Variants in KIAA0930 observed in about 807,000 individuals in gnomAD.
The protein encoded by KIAA0930 is uncharacterized protein KIAA0930.
Under a neutral mutation model 43.9 loss-of-function variants are expected in KIAA0930, and 24 were observed. That is an observed-to-expected ratio of 0.55 (90% confidence interval 0.40 to 0.77). The LOEUF is 0.77. Ranked by LOEUF, KIAA0930 falls within the 30% of genes least tolerant of loss-of-function variation. The pLI, the probability that KIAA0930 is intolerant of heterozygous loss-of-function variation, is 0.00. For missense variants in KIAA0930, 461 were observed against 574.2 expected, an observed-to-expected ratio of 0.80 and a Z score of 2.02; for synonymous variants, 259 against 216.4, an observed-to-expected ratio of 1.20 and a Z score of -1.73.
intron 2 of KIAA0930, 26 bp downstream of exon 2, chr22:45,211,930 A>G: frequency 6.2e-7 from 1 of 1,602,998 alleles, no homozygotes; most frequent in Non-Finnish European, 8.5e-7. Context: ...GCACAGACGC[A>G]GGGGCAGGGG....
In KIAA0930 at chr22:45,203,886, A is replaced by T. The variant is rs1304201963; in HGVS notation, c.616T>A (p.Ser206Thr). 1 of 1,614,026 alleles carries T rather than the reference A, an allele frequency of 6.2e-7. No homozygotes were observed. The highest frequency in any genetic ancestry group is 2.2e-5 in the East Asian group (1 of 44,850). Residue 206 changes from serine to threonine, a missense_variant, in exon 6 of 10, where the codon TCC becomes ACC. Transcript: ENST00000336156. ...NTFQGVIFQG[S>T]IRYEALKKVY... ...TTCTTGAGCGCCTCGTAGCGGATGG[A>T]GCCCTGAAAGATGACCCCCTGGAAC...
intron 1 of KIAA0930, among the ~76,000 whole-genome samples, chr22:45,218,333 ATTTTTTTTTTTTTTT>A (rs752298111): frequency 1.2e-4 from 6 of 51,704 alleles, no homozygotes; most frequent in African/African-American, 3.3e-4. Context: ...AATTTTTTTG[ATTTTTTTTTTTTTTT>A]TTTTTTTTTT....
intron 1 of KIAA0930, among the ~76,000 whole-genome samples, chr22:45,231,674 CA>C (rs1247362906): frequency 6.6e-6 from 1 of 152,114 alleles, no homozygotes; most frequent in African/African-American, 2.4e-5. Flanking sequence ...TACACTCAGA[CA>C]GGGGTAAAAA....
chr22:45,228,325 T>G (rs1454643988), intron 1 of KIAA0930, among the ~76,000 whole-genome samples: 1 of 152,124 alleles, frequency 6.6e-6, no homozygotes, highest in East Asian at 1.9e-4. Context: ...ACCAGTGAAA[T>G]GTGTCCCAGA....
intron 1 of KIAA0930, among the ~76,000 whole-genome samples, chr22:45,224,620 T>G (rs5766562): frequency 0.1 from 15,563 of 152,176 alleles, 959 homozygotes; most frequent in East Asian, 0.27. Flanking sequence ...GGAAGCAGGA[T>G]GAATTTTAAG....
At chr22:45,221,155 A>G (rs112631953) in intron 1 of KIAA0930, among the ~76,000 whole-genome samples, 2 of 152,254 alleles carry the variant, frequency 1.3e-5, no homozygotes, top group African/African-American at 4.8e-5. Flanking sequence ...CACCCTCAAT[A>G]TGCCCTATCC....
Position 45,203,147 on chromosome 22 carries a change from AACG to A in KIAA0930, c.692_694del (p.Ser231del), listed in dbSNP as rs752278022. The A allele has an allele frequency of 6.2e-7, 1 of 1,612,630 alleles. No homozygotes were observed. Among genetic ancestry groups the A allele is most frequent in the South Asian group, 1.1e-5 (1 of 90,808 alleles). On this transcript the variant is annotated inframe_deletion, in exon 7 of 10. Transcript: ENST00000336156. ...CATGTTGCTGTACTTGTAGAAGCCA[AACG>A]ACATCTTCTGTGCCATGCGGGCGGC...
At chr22:45,208,434 A>G (rs979736797) in intron 2 of KIAA0930, among the ~76,000 whole-genome samples, 2 of 142,374 alleles carry the variant, frequency 1.4e-5, no homozygotes, top group Non-Finnish European at 3.1e-5. Flanking sequence ...GAACAGGCAG[A>G]ACCCAACTCC....
At chr22:45,230,981 C>T (rs1304613986) in intron 1 of KIAA0930, among the ~76,000 whole-genome samples, 1 of 151,778 alleles carries the variant, frequency 6.6e-6, no homozygotes, top group Non-Finnish European at 1.5e-5. Context: ...CACGGTGCCT[C>T]AACATACCTG....
rs768952842 is a variant in KIAA0930, at chr22:45,212,030, G to C, written c.142C>G (p.Gln48Glu). ...CGCACATAGAAAAGCATGTCGTCCT[G>C]CCGGGGAGCCCATTTCTCCATGAAG... ...TYFMEKWAPR[Q>E]DDMLFYVRRK... The change falls in exon 2 of 10, where the codon CAG (glutamine) becomes GAG (glutamate). Residue 48 changes from glutamine to glutamate, a missense_variant. Coordinates refer to ENST00000336156, the MANE Select transcript of KIAA0930 (RefSeq NM_001009880.2). The C allele has an allele frequency of 4.3e-6, 7 of 1,613,858 alleles. No homozygotes were observed. The highest frequency in any genetic ancestry group is 5.9e-6 in the Non-Finnish European group (7 of 1,180,032).
chr22:45,216,938 C>A (rs1057301314), intron 1 of KIAA0930, among the ~76,000 whole-genome samples: 1 of 152,178 alleles, frequency 6.6e-6, no homozygotes, highest in East Asian at 1.9e-4. Flanking sequence ...TTGAGGCAGC[C>A]GTGAACACTG....
intron 7 of KIAA0930, 133 bp from the exon 8 acceptor site, chr22:45,200,168 C>T: frequency 1.1e-6 from 1 of 880,574 alleles, no homozygotes; most frequent in Non-Finnish European, 1.6e-6. Context: ...CAGGAGGACC[C>T]AGGCCCAGCC....
In KIAA0930 at chr22:45,202,019, G is replaced by A. The variant is rs759258386; in HGVS notation, c.852+971C>T. On this transcript the variant is annotated intron_variant, in intron 7 of 9. Transcript: ENST00000336156. ...AAATACTGAAGGAGCAGGTATCCTC[G>A]TGCCCTGTTTCTAGATGAGAAAACT... 1.8e-4 allele frequency among the ~76,000 whole-genome samples: 28 copies of A among 152,348 alleles called. No homozygotes were observed. In the Middle Eastern group the frequency reaches 0.014, roughly 74 times the overall value.
rs547888690 is a variant in KIAA0930 at position 45,196,308 on chromosome 22, C to T, written c.*868G>A. ...AAACCAGGGAAGATGAAAAGACACC[C>T]CCGCCCCCAGAAGACGGGGTCCCAC... On this transcript the variant is annotated 3_prime_UTR_variant, in exon 10 of 10. Transcript: ENST00000336156. This position sits in a 1 kb window ranked among gnomAD's most constrained non-coding sequence, Gnocchi z 4.1. 1 of 152,532 alleles carries T rather than the reference C, an allele frequency of 6.6e-6. No homozygotes were observed. Among genetic ancestry groups the T allele is most frequent in the South Asian group, 2.1e-4 (1 of 4,826 alleles). The allele number at this position is 152,532 out of a possible 1,614,324, so 9.4% of individuals were successfully genotyped here.
intron 2 of KIAA0930, 102 bp from the exon 3 acceptor site, chr22:45,206,014 C>A (rs979721342): frequency 6.5e-7 from 1 of 1,531,892 alleles, no homozygotes; most frequent in Admixed American, 2.0e-5. Context: ...GACTCCAATT[C>A]TTTTTTCTTA....
At chr22:45,231,763 G>A (rs190126330) in intron 1 of KIAA0930, among the ~76,000 whole-genome samples, 35 of 152,184 alleles carry the variant, frequency 2.3e-4, no homozygotes, top group Middle Eastern at 3.2e-3. Context: ...TTGGGAGGCC[G>A]AGGCAGGTGG....
At chr22:45,213,424 C>A in intron 1 of KIAA0930, 2 of 1,295,322 alleles carry the variant, frequency 1.5e-6, no homozygotes, top group South Asian at 2.5e-5. Flanking sequence ...GCCTTGTCAG[C>A]CTCCAGGGGT....
At chr22:45,228,678 G>A (rs199790728) in intron 1 of KIAA0930, among the ~76,000 whole-genome samples, 6 of 144,508 alleles carry the variant, frequency 4.2e-5, no homozygotes, top group South Asian at 2.2e-4. Flanking sequence ...CCTCTTCACC[G>A]GAAAGATCCC....
chr22:45,205,993 C>A, intron 2 of KIAA0930, 81 bp from the exon 3 acceptor site: 4 of 1,563,872 alleles, frequency 2.6e-6, no homozygotes, highest in South Asian at 2.3e-5. Context: ...GCAGGCATTA[C>A]GATGGACAAG....
Sources: allele counts gnomAD v4.1 joint callset (sites outside exome capture counted in the v4.1 genomes callset), GRCh38; gene constraint gnomAD v4.1.1; non-coding constraint Gnocchi (gnomAD v3.1); transcripts MANE v1.5; gene names NCBI Gene and HGNC (gene_info 2026-07-23, HGNC 2026-07-21).